The following PNLIP variants were observed in gnomAD, a reference collection of about 807,000 sequenced individuals.
PNLIP encodes the protein pancreatic triacylglycerol lipase.
In PNLIP, 49 loss-of-function variants were observed where a neutral mutation model predicts 57.1. The observed-to-expected ratio is 0.86, with a 90% CI of 0.68 to 1.09. The LOEUF (loss-of-function observed/expected upper bound fraction) is 1.09. Ranked by LOEUF, PNLIP falls within the 50% of genes least tolerant of loss-of-function variation. The pLI is 0.00. For synonymous variants in PNLIP, 209 were observed against 200.4 expected (o/e 1.04, Z -0.36); for missense variants, 503 against 570.2 (o/e 0.88, Z 1.20).
Position 116,546,153 on chromosome 10 carries a change from A to T in PNLIP, c.46+15A>T. On this transcript the variant is annotated intron_variant, in intron 2 of 12. Transcript: ENST00000369221. ...AGCAGTAGCAGGTAAGAAAACAAATAAATGTTGAGCTGGGAGAGATTCACT... is the reference window on the plus strand; with the variant it reads ...AGCAGTAGCAGGTAAGAAAACAAATTAATGTTGAGCTGGGAGAGATTCACT... 6.2e-7 allele frequency: 1 copy of T among 1,611,468 alleles called. No individual in the cohort carries two copies. Among genetic ancestry groups the T allele is most frequent in the South Asian group, 1.1e-5 (1 of 91,048 alleles).
At chr10:116,557,977 G>A (rs945623152) in intron 9 of PNLIP, among the ~76,000 whole-genome samples, 3 of 151,680 alleles carry the variant, frequency 2.0e-5, no homozygotes, top group African/African-American at 7.3e-5. Context: ...GAAAAAAGCC[G>A]GGCGCGGTGG....
chr10:116,567,596 C>T (rs1589561228), intron 12 of PNLIP, 139 bp from the exon 13 acceptor site: 1 of 694,286 alleles, frequency 1.4e-6, no homozygotes. Context: ...GAGGTCTTCC[C>T]TCAGCCATTG....
intron 11 of PNLIP, 64 bp downstream of exon 11, chr10:116,560,588 T>C: frequency 1.3e-6 from 1 of 747,738 alleles, no homozygotes; most frequent in East Asian, 2.8e-5. Context: ...AGTCTCGCTG[T>C]GTCGCCGGGG....
chr10:116,562,636 G>T (rs1251066255), intron 12 of PNLIP, among the ~76,000 whole-genome samples: 5 of 152,234 alleles, frequency 3.3e-5, no homozygotes, highest in African/African-American at 1.2e-4. Context: ...ATTATGAAAA[G>T]TCTCCCTGAA....
intron 2 of PNLIP, 123 bp from the exon 3 acceptor site, chr10:116,547,171 G>C (rs964077894): frequency 1.2e-6 from 1 of 839,774 alleles, no homozygotes; most frequent in Non-Finnish European, 2.0e-6. Flanking sequence ...GTGTGGCTAG[G>C]AGGGTGTTGA....
At chr10:116,565,220 A>G (rs1847352134) in intron 12 of PNLIP, among the ~76,000 whole-genome samples, 1 of 120,046 alleles carries the variant, frequency 8.3e-6, no homozygotes, top group African/African-American at 3.2e-5. Context: ...ACTGCACTCC[A>G]GCCTGGGTGA....
At chr10:116,550,213 C>A (rs953116334) in intron 4 of PNLIP, among the ~76,000 whole-genome samples, 1 of 151,662 alleles carries the variant, frequency 6.6e-6, no homozygotes, top group Non-Finnish European at 1.5e-5. Context: ...CTCCCACCAC[C>A]AGGCCCGGCT....
intron 5 of PNLIP, among the ~76,000 whole-genome samples, chr10:116,551,666 T>A (rs1295543791): frequency 6.6e-6 from 1 of 152,220 alleles, no homozygotes; most frequent in African/African-American, 2.4e-5. Context: ...ATTGTTTTTA[T>A]TTTTACTTTC....
chr10:116,550,741 A>C (rs1847181969), intron 4 of PNLIP, among the ~76,000 whole-genome samples: 1 of 152,196 alleles, frequency 6.6e-6, no homozygotes, highest in Non-Finnish European at 1.5e-5. Context: ...CCTTGGGTGC[A>C]TTCTATTAAG....
At chr10:116,565,031 C>T (rs189550374) in intron 12 of PNLIP, among the ~76,000 whole-genome samples, 12 of 151,868 alleles carry the variant, frequency 7.9e-5, no homozygotes, top group South Asian at 4.2e-4. Flanking sequence ...GAGGCCGAGG[C>T]GGGTGGATCA....
chr10:116,549,462 G>A (rs1024124663), intron 4 of PNLIP, among the ~76,000 whole-genome samples: 1 of 151,804 alleles, frequency 6.6e-6, no homozygotes, highest in Non-Finnish European at 1.5e-5. Flanking sequence ...CTGGACAACA[G>A]AGCAAGATTC....
chr10:116,561,206 T>A (rs545970455), intron 11 of PNLIP, among the ~76,000 whole-genome samples: 1 of 152,264 alleles, frequency 6.6e-6, no homozygotes, highest in African/African-American at 2.4e-5. Flanking sequence ...CTAATACATG[T>A]TTGAAGTTTT....
At chr10:116,564,815 G>C (rs896540546) in intron 12 of PNLIP, among the ~76,000 whole-genome samples, 1 of 151,968 alleles carries the variant, frequency 6.6e-6, no homozygotes, top group African/African-American at 2.4e-5. Context: ...TTCCCTTGAA[G>C]GTGTGATAAG....
At position 116,551,089 on chromosome 10, in the gene PNLIP, T is replaced by C; in HGVS notation, c.325-9T>C. The stretch of plus-strand genomic sequence containing the variant: ...ATTATTTATCTGTTTATTGTGCCCC[T>C]TCCACCAGAATCTGTTCAAGGTGGA... On this transcript the variant is annotated splice_polypyrimidine_tract_variant and intron_variant, in intron 4 of 12. Coordinates refer to ENST00000369221, the MANE Select transcript of PNLIP (RefSeq NM_000936.4). 1 of 1,569,432 alleles carries C rather than the reference T, an allele frequency of 6.4e-7. No individual in the cohort carries two copies. The highest frequency in any genetic ancestry group is 8.6e-7 in the Non-Finnish European group (1 of 1,156,294).
At chr10:116,559,989 TA>T (rs1847295411) in intron 10 of PNLIP, among the ~76,000 whole-genome samples, 1 of 152,132 alleles carries the variant, frequency 6.6e-6, no homozygotes, top group East Asian at 1.9e-4. Context: ...TGTAGATATT[TA>T]GACAAAAAGA....
chr10:116,563,283 A>T (rs1318593008), intron 12 of PNLIP, among the ~76,000 whole-genome samples: 6 of 150,960 alleles, frequency 4.0e-5, no homozygotes, highest in Admixed American at 6.6e-5. Flanking sequence ...ATCAAAAATT[A>T]AAAAAAAATC....
intron 12 of PNLIP, among the ~76,000 whole-genome samples, chr10:116,566,970 C>T (rs983324232): frequency 3.3e-5 from 5 of 151,990 alleles, no homozygotes; most frequent in African/African-American, 1.2e-4. Context: ...TTCTTTCTTT[C>T]TTTCCTTTTT....
intron 9 of PNLIP, among the ~76,000 whole-genome samples, chr10:116,557,385 A>G (rs1043985277): frequency 6.6e-6 from 1 of 152,132 alleles, no homozygotes; most frequent in African/African-American, 2.4e-5. Context: ...TCTCCAAGTG[A>G]GTGCTGGGGC....
At chr10:116,557,857 A>C (rs1013698005) in intron 9 of PNLIP, among the ~76,000 whole-genome samples, 1 of 152,172 alleles carries the variant, frequency 6.6e-6, no homozygotes, top group African/African-American at 2.4e-5. Context: ...TCCAGGTATC[A>C]GCCTCACAGT....
Sources: allele counts gnomAD v4.1 joint callset (sites outside exome capture counted in the v4.1 genomes callset), GRCh38; gene constraint gnomAD v4.1.1; transcripts MANE v1.5; gene names NCBI Gene and HGNC (gene_info 2026-07-23, HGNC 2026-07-21).